Variants in DPP6 observed in about 807,000 individuals in gnomAD.
DPP6 encodes the protein A-type potassium channel modulatory protein DPP6.
Under a neutral mutation model 122.6 loss-of-function variants are expected in DPP6, and 69 were observed. That is an observed-to-expected ratio of 0.56 (90% CI 0.46 to 0.69). The LOEUF is 0.69. Ranked by LOEUF, DPP6 falls within the 30% of genes least tolerant of loss-of-function variation. The probability of loss-of-function intolerance (pLI) is 0.00; values close to 1 mark genes in which losing one functional copy is unlikely to be tolerated. For missense variants in DPP6, 928 were observed against 1,116.9 expected (o/e 0.83, Z 2.41); for synonymous variants, 418 against 433.1 (o/e 0.97, Z 0.43).
chr7:154,030,225 C>G (rs1397392007), intron 1 of DPP6, among the ~76,000 whole-genome samples: 1 of 152,102 alleles, frequency 6.6e-6, no homozygotes. Context: ...CAATTTTGGC[C>G]CCTGGCTATT....
At chr7:154,449,419 AC>A (rs1820160124) in intron 2 of DPP6, among the ~76,000 whole-genome samples, 1 of 152,172 alleles carries the variant, frequency 6.6e-6, no homozygotes, top group African/African-American at 2.4e-5. Flanking sequence ...CCAAACACAA[AC>A]AAAAAATGGA....
Position 154,782,379 on chromosome 7 carries a change from T to G in DPP6, c.1136+9437T>G, listed in dbSNP as rs527647349. ...AAATGCTTCAATATCTCTCTTCATCTTGGCAGATAGATTATTGCGTCTTTT... is the reference window on the plus strand; with the variant it reads ...AAATGCTTCAATATCTCTCTTCATCGTGGCAGATAGATTATTGCGTCTTTT... On this transcript the variant is annotated intron_variant, in intron 10 of 25. Coordinates refer to ENST00000377770, the MANE Select transcript of DPP6 (RefSeq NM_130797.4). Among the ~76,000 whole-genome samples the G allele has an allele frequency of 3.9e-5, 6 of 152,368 alleles. No individual in the cohort carries two copies. In the East Asian group the frequency reaches 7.7e-4, roughly 20 times the overall value.
At chr7:154,195,008 C>A (rs1033861217) in intron 1 of DPP6, among the ~76,000 whole-genome samples, 1 of 152,044 alleles carries the variant, frequency 6.6e-6, no homozygotes, top group Non-Finnish European at 1.5e-5. Context: ...TCCAGTTTGC[C>A]AGTTGGTTCT....
In DPP6 at chr7:154,660,380, TG is replaced by T. The variant is rs1280024849; in HGVS notation, c.681-8979del. On this transcript the variant is annotated intron_variant, in intron 6 of 25. Transcript: ENST00000377770. ...GGCCGTAGTGTTCATATAGTCATGG[TG>T]AATCACCATGGCGTATTGGCCGTAG... 7.6e-4 allele frequency among the ~76,000 whole-genome samples: 115 copies of T among 150,568 alleles called. 8 individuals carry two copies. The highest frequency in any genetic ancestry group is 2.5e-3 in the African/African-American group (99 of 40,070).
At chr7:154,572,282 C>G (rs1166735416) in intron 5 of DPP6, among the ~76,000 whole-genome samples, 2 of 152,130 alleles carry the variant, frequency 1.3e-5, no homozygotes, top group Non-Finnish European at 2.9e-5. Flanking sequence ...ATCAAACCTG[C>G]TTGGTGAGGT....
intron 1 of DPP6, among the ~76,000 whole-genome samples, chr7:154,300,257 G>C (rs1229725012): frequency 1.3e-5 from 2 of 152,190 alleles, no homozygotes. Flanking sequence ...GACCCGTCTT[G>C]GCTGAGCATC....
At chr7:154,010,684 C>A (rs550263418) in intron 1 of DPP6, among the ~76,000 whole-genome samples, 1 of 152,212 alleles carries the variant, frequency 6.6e-6, no homozygotes, top group Non-Finnish European at 1.5e-5. Context: ...TGGGCTTTTG[C>A]TTTTATTAGT....
In DPP6 at chr7:154,832,804, G is replaced by C. The variant is rs150281003; in HGVS notation, c.1667-20976G>C. ...CTGCACATTTGTGCTTCTCCTCGCA[G>C]GACCGTGATGGGTTCTGCAAGTGAC... On this transcript the variant is annotated intron_variant, in intron 16 of 25. Coordinates refer to ENST00000377770, the MANE Select transcript of DPP6 (RefSeq NM_130797.4). Among the ~76,000 whole-genome samples the C allele has an allele frequency of 3.9e-3, 601 of 152,344 alleles. 3 individuals carry two copies. Among genetic ancestry groups the C allele is most frequent in the South Asian group, 7.3e-3 (35 of 4,824 alleles).
At chr7:154,674,313 T>C (rs1439800336) in intron 7 of DPP6, among the ~76,000 whole-genome samples, 1 of 152,218 alleles carries the variant, frequency 6.6e-6, no homozygotes, top group East Asian at 1.9e-4. Context: ...TATTTCCTGA[T>C]ATGGTATTTC....
intron 1 of DPP6, among the ~76,000 whole-genome samples, chr7:153,918,258 A>G (rs1319442318): frequency 6.6e-6 from 1 of 152,222 alleles, no homozygotes; most frequent in Non-Finnish European, 1.5e-5. Context: ...AGAGTGAAAT[A>G]TAATTGAAAA....
chr7:154,233,390 TGTTATGTGTGG>T (rs1801022121), intron 1 of DPP6, among the ~76,000 whole-genome samples: 1 of 152,218 alleles, frequency 6.6e-6, no homozygotes, highest in Admixed American at 6.5e-5. Flanking sequence ...ATGTTAGGTG[TGTTATGTGTGG>T]GTTAAATGGT....
upstream of DPP6, among the ~76,000 whole-genome samples, chr7:153,885,413 AG>A (rs1159555728): frequency 6.6e-6 from 1 of 151,926 alleles, no homozygotes; most frequent in Non-Finnish European, 1.5e-5. Flanking sequence ...GGACTTTGGG[AG>A]GTGATGAGGT....
intron 1 of DPP6, among the ~76,000 whole-genome samples, chr7:154,156,976 G>A (rs1392123924): frequency 6.6e-6 from 1 of 152,272 alleles, no homozygotes; most frequent in Non-Finnish European, 1.5e-5. Flanking sequence ...TTGTTTCCCT[G>A]GTGGGGAAGA....
intron 17 of DPP6, among the ~76,000 whole-genome samples, chr7:154,855,938 T>C (rs1345367885): frequency 2.0e-5 from 3 of 152,204 alleles, no homozygotes; most frequent in African/African-American, 7.2e-5. Context: ...ATTGATGGTC[T>C]GGTAGAAATT....
chr7:154,834,379 G>A (rs2316531), intron 16 of DPP6, among the ~76,000 whole-genome samples: 121,935 of 151,762 alleles, frequency 0.8, 49,278 homozygotes, highest in East Asian at 0.99. Context: ...AGGAGGCTGA[G>A]GCAGGGGAAT....
chr7:154,329,738 T>C (rs1331430645), intron 1 of DPP6, among the ~76,000 whole-genome samples: 1 of 152,220 alleles, frequency 6.6e-6, no homozygotes, highest in Non-Finnish European at 1.5e-5. Flanking sequence ...CATATGTTTC[T>C]TGCAGCACTA....
chr7:154,278,702 A>G (rs12703337), intron 1 of DPP6, among the ~76,000 whole-genome samples: 38,118 of 152,148 alleles, frequency 0.25, 5,368 homozygotes, highest in Non-Finnish European at 0.32. Context: ...ACATTTTGGA[A>G]GTATTTTAAT....
chr7:154,684,772 G>A (rs1839500689), intron 7 of DPP6, among the ~76,000 whole-genome samples: 1 of 152,208 alleles, frequency 6.6e-6, no homozygotes, highest in South Asian at 2.1e-4. Context: ...GCCATACAAA[G>A]TCGTGTTTCT....
At chr7:153,864,676 C>T in the DPP6 span, among the ~76,000 whole-genome samples, 1 of 12,076 alleles carries the variant, frequency 8.3e-5, no homozygotes, top group Non-Finnish European at 1.3e-4. Flanking sequence ...TAATAATACA[C>T]ACACACACAC....
Sources: gnomAD v4.1 joint callset for allele counts (sites outside exome capture counted in the v4.1 genomes callset) on GRCh38, gnomAD v4.1.1 for gene constraint, MANE v1.5 for transcripts, NCBI Gene and HGNC (gene_info 2026-07-23, HGNC 2026-07-21) for gene names.